PMPCB: variants seen among roughly 807,000 people sequenced by gnomAD.
PMPCB encodes the protein mitochondrial-processing peptidase subunit beta.
Under a neutral mutation model 61.5 loss-of-function variants are expected in PMPCB, and 46 were observed. The observed-to-expected ratio is 0.75, with a 90% CI of 0.59 to 0.96. The LOEUF (loss-of-function observed/expected upper bound fraction) is 0.96. Ranked by LOEUF, PMPCB falls within the 40% of genes least tolerant of loss-of-function variation. The pLI is 0.00. For missense variants in PMPCB, 590 were observed against 602.4 expected (o/e 0.98, Z 0.22); for synonymous variants, 191 against 201.6 (o/e 0.95, Z 0.44).
chr7:103,304,421 C>G lies in PMPCB; in HGVS notation c.667C>G (p.Arg223Gly), dbSNP rs563490637. 6.3e-7 allele frequency: 1 copy of G among 1,582,290 alleles called. No homozygotes were observed. Among genetic ancestry groups the G allele is most frequent in the Non-Finnish European group, 8.7e-7 (1 of 1,151,794 alleles). Residue 223 changes from arginine (R) to glycine (G), a missense_variant, in exon 6 of 13, where the codon CGT becomes GGT. Arg to Gly is a moderately radical substitution (Grantham distance 125, BLOSUM62 -2). Transcript: ENST00000249269. The part of the protein sequence containing the change: ...GPTENIKSIS[R>G]KDLVDYITTH... ...TTACTTCATTTACAGATCTATAAGT[C>G]GTAAGGACTTAGTGGATTATATAAC...
chr7:103,342,606 G>C, the PMPCB span, among the ~76,000 whole-genome samples: 91 of 147,604 alleles, frequency 6.2e-4, no homozygotes, highest in Non-Finnish European at 1.1e-3. Flanking sequence ...CACCCACCTG[G>C]ACAATTTTTT....
chr7:103,332,896 T>A (rs1315817696), downstream of PMPCB, among the ~76,000 whole-genome samples: 1 of 152,172 alleles, frequency 6.6e-6, no homozygotes, highest in Non-Finnish European at 1.5e-5. Context: ...AGTGCTGGGA[T>A]CAAAGGCATG....
chr7:103,341,118 A>C, the PMPCB span, among the ~76,000 whole-genome samples: 1 of 152,174 alleles, frequency 6.6e-6, no homozygotes, highest in Non-Finnish European at 1.5e-5. Flanking sequence ...AAACCCAGCC[A>C]CATAGTAAGT....
chr7:103,332,008 T>G (rs1408742313), downstream of PMPCB, among the ~76,000 whole-genome samples: 1 of 2,132 alleles, frequency 4.7e-4, no homozygotes, highest in Middle Eastern at 0.17. Flanking sequence ...AAATTTGCTA[T>G]TTTTTTTTTT....
chr7:103,315,784 G>T, downstream of PMPCB: 1 of 1,613,518 alleles, frequency 6.2e-7, no homozygotes. Context: ...TTCTGAAGGC[G>T]TTGCGTTGTC....
chr7:103,319,484 CA>C, downstream of PMPCB: 1 of 965,562 alleles, frequency 1.0e-6, no homozygotes, highest in Non-Finnish European at 1.6e-6. Context: ...AACAACAAAA[CA>C]GTGGGAAACA....
chr7:103,300,206 T>C lies in PMPCB; in HGVS notation c.356T>C (p.Leu119Pro), dbSNP rs199863923. 2.8e-5 allele frequency: 45 copies of C among 1,612,998 alleles called. No homozygotes were observed. Among genetic ancestry groups the C allele is most frequent in the Non-Finnish European group, 8.5e-7 (1 of 1,179,304 alleles). The change falls in exon 4 of 13, where the codon CTG (leucine) becomes CCG (proline). Residue 119 changes from leucine to proline, a missense_variant. By Grantham distance (98) the Leu-to-Pro change is moderately conservative (BLOSUM62 -3). Coordinates refer to ENST00000249269, the MANE Select transcript of PMPCB (RefSeq NM_004279.3). ...ACCAAGAAGAGATCCCAGTTAGATC[T>C]GGAACTTGAGATTGAAAATATGGGT... ...KGTKKRSQLDLELEIENMGAH... is the reference protein window; with the variant it reads ...KGTKKRSQLDPELEIENMGAH...
chr7:103,304,625 T>C, intron 6 of PMPCB, 135 bp downstream of exon 6: 1 of 672,120 alleles, frequency 1.5e-6, no homozygotes, highest in Non-Finnish European at 2.7e-6. Context: ...GTAAGGGGAA[T>C]GTGGAGCACT....
intron 12 of PMPCB, among the ~76,000 whole-genome samples, chr7:103,320,114 G>A (rs940685895): frequency 4.6e-5 from 7 of 152,120 alleles, no homozygotes; most frequent in African/African-American, 9.6e-5. Flanking sequence ...TCTTTGAGAC[G>A]GAGTCTCACT....
At position 103,307,710 on chromosome 7, in the gene PMPCB, T is replaced by C; in HGVS notation, c.849+2T>C. 1 of 1,538,780 alleles carries C rather than the reference T, an allele frequency of 6.5e-7. No homozygotes were observed. The highest frequency in any genetic ancestry group is 9.0e-7 in the Non-Finnish European group (1 of 1,111,460). ...CCCTGCAAATTCACAGGAAGTGAGG[T>C]AGGGCAAGCCTTCCAGCTAGTATTT... On this transcript the variant is annotated splice_donor_variant, in intron 7 of 12. Transcript: ENST00000249269. LOFTEE classifies it high-confidence loss of function.
intron 12 of PMPCB, chr7:103,327,359 A>T (rs756812648): frequency 1.2e-4 from 152 of 1,283,422 alleles, no homozygotes; most frequent in Middle Eastern, 2.3e-4. Context: ...TGAGCTTCTG[A>T]TAAGAATCAC....
chr7:103,319,949 C>T lies in PMPCB; in HGVS notation c.*1431+7818C>T, dbSNP rs1343600448. ...ACTCGGGAGGCTGAGGCAGGAGAATCGCTTGAACCTGGAGGCGGAAATTGC... is the reference window on the plus strand; with the variant it reads ...ACTCGGGAGGCTGAGGCAGGAGAATTGCTTGAACCTGGAGGCGGAAATTGC... On this transcript the variant is annotated intron_variant and NMD_transcript_variant, in intron 12 of 12. Coordinates refer to the PMPCB transcript ENST00000444457. 1.1e-5 allele frequency: 14 copies of T among 1,221,902 alleles called. No homozygotes were observed. The African/African-American group carries it at 1.4e-4, about 12-fold the overall frequency. 75.7% of individuals were successfully genotyped at this position (1,221,902 alleles called of 1,614,324 possible). A position where few individuals can be genotyped will look rare whatever the true frequency, so the allele number is the denominator to read the frequency against.
chr7:103,332,035 T>C (rs558128080), downstream of PMPCB, among the ~76,000 whole-genome samples: 2 of 151,226 alleles, frequency 1.3e-5, no homozygotes, highest in East Asian at 1.9e-4. Context: ...GGCGGAGTCT[T>C]GCTCTGTCAC....
chr7:103,302,913 T>G (rs1300770498), intron 4 of PMPCB, among the ~76,000 whole-genome samples: 1 of 152,222 alleles, frequency 6.6e-6, no homozygotes, highest in African/African-American at 2.4e-5. Flanking sequence ...GTAAGTTTAT[T>G]TTATAACATT....
At chr7:103,309,693 C>T (rs1817684755) in intron 8 of PMPCB, among the ~76,000 whole-genome samples, 1 of 152,144 alleles carries the variant, frequency 6.6e-6, no homozygotes, top group Non-Finnish European at 1.5e-5. Flanking sequence ...TACTGAGGAA[C>T]TATACCAAGG....
chr7:103,326,863 C>T (rs1393824354), intron 12 of PMPCB, among the ~76,000 whole-genome samples: 1 of 152,160 alleles, frequency 6.6e-6, no homozygotes, highest in Non-Finnish European at 1.5e-5. Context: ...CTGGATATAA[C>T]TGGACTTAAC....
At chr7:103,319,039 C>T (rs1053167259), downstream of PMPCB, among the ~76,000 whole-genome samples, 1 of 152,124 alleles carries the variant, frequency 6.6e-6, no homozygotes, top group African/African-American at 2.4e-5. Context: ...CAGCGAAACC[C>T]TGTCTCTAGT....
chr7:103,306,947 CAG>C (rs1817609379), intron 6 of PMPCB, among the ~76,000 whole-genome samples: 1 of 151,838 alleles, frequency 6.6e-6, no homozygotes, highest in South Asian at 2.1e-4. Flanking sequence ...TTAGTAGAGA[CAG>C]GGTTTTACCA....
chr7:103,341,642 T>G, the PMPCB span: 76 of 783,914 alleles, frequency 9.7e-5, no homozygotes, highest in East Asian at 1.9e-3. Flanking sequence ...AATAAACAGA[T>G]GCTAAATCAT....
Sources: allele counts gnomAD v4.1 joint callset (sites outside exome capture counted in the v4.1 genomes callset), GRCh38; gene constraint gnomAD v4.1.1; transcripts MANE v1.5; gene names NCBI Gene and HGNC (gene_info 2026-07-23, HGNC 2026-07-21).